The following GYS2 variants were observed in gnomAD, a reference collection of about 807,000 sequenced individuals.
GYS2 encodes the protein glycogen synthase 2.
Under a neutral mutation model 85.6 loss-of-function variants are expected in GYS2, and 80 were observed. The ratio of observed to expected loss-of-function variants is 0.93; its 90% confidence interval spans 0.78 to 1.13. The LOEUF is 1.13. Ranked by LOEUF, GYS2 falls within the 50% of genes most tolerant of loss-of-function variation. The pLI, the probability that GYS2 is intolerant of heterozygous loss-of-function variation, is 0.00. For synonymous variants in GYS2, 328 were observed against 300.7 expected (o/e 1.09, Z -0.94); for missense variants, 881 against 854.9 (o/e 1.03, Z -0.38).
chr12:21,590,917 T>A (rs1400924478), intron 1 of GYS2, among the ~76,000 whole-genome samples: 1 of 152,164 alleles, frequency 6.6e-6, no homozygotes, highest in Non-Finnish European at 1.5e-5. Flanking sequence ...TATGCTGCTG[T>A]ATGCACCTAG....
intron 9 of GYS2, 30 bp from the exon 10 acceptor site, chr12:21,559,199 T>C: frequency 7.9e-7 from 1 of 1,258,626 alleles, no homozygotes; most frequent in Non-Finnish European, 1.2e-6. Context: ...ATAACAAAAA[T>C]AAAAACAGCT....
intron 1 of GYS2, among the ~76,000 whole-genome samples, chr12:21,592,472 C>A (rs1944650939): frequency 6.6e-6 from 1 of 151,712 alleles, no homozygotes; most frequent in Non-Finnish European, 1.5e-5. Context: ...CAAAGAGAAA[C>A]CAAAAATGAG....
chr12:21,548,531 T>C (rs1049323539), intron 11 of GYS2, among the ~76,000 whole-genome samples: 1 of 152,194 alleles, frequency 6.6e-6, no homozygotes, highest in Non-Finnish European at 1.5e-5. Context: ...AGTTGACTTA[T>C]TTTAAAATTT....
intron 11 of GYS2, among the ~76,000 whole-genome samples, chr12:21,550,663 G>A (rs544701443): frequency 2.6e-5 from 4 of 152,174 alleles, no homozygotes; most frequent in East Asian, 1.9e-4. Flanking sequence ...GAGACAGGCC[G>A]GGTACCGTGG....
chr12:21,579,300 C>T (rs1944481029), intron 2 of GYS2, among the ~76,000 whole-genome samples: 1 of 151,770 alleles, frequency 6.6e-6, no homozygotes, highest in African/African-American at 2.4e-5. Context: ...GTTGACAGAG[C>T]CACATTCCAT....
intron 13 of GYS2, 62 bp downstream of exon 13, chr12:21,542,434 C>T: frequency 1.1e-6 from 1 of 951,458 alleles, no homozygotes; most frequent in South Asian, 1.3e-5. Context: ...TGTAAAGACC[C>T]TGTGCTTTGT....
At chr12:21,593,942 G>T (rs2136930215) in intron 1 of GYS2, among the ~76,000 whole-genome samples, 1 of 152,148 alleles carries the variant, frequency 6.6e-6, no homozygotes, top group Non-Finnish European at 1.5e-5. Context: ...TACTAGGGTT[G>T]CAAGAACAGT....
In GYS2 at chr12:21,558,203, G is replaced by A. The variant is rs754156427; in HGVS notation, c.1419C>T (p.Val473=). 1 of 1,573,658 alleles carries A rather than the reference G, an allele frequency of 6.4e-7. No individual in the cohort carries two copies. The highest frequency in any genetic ancestry group is 1.7e-5 in the Admixed American group (1 of 59,972). The change falls in exon 11 of 16, where the codon GTC becomes GTT. Residue 473 remains valine, a synonymous_variant. Transcript: ENST00000261195. The stretch of plus-strand genomic sequence containing the variant: ...CCACATGAACAATTTGTTCTACCTT[G>A]ACTCTATCTGTGCGGTTGTTGAAAA... ...IGLFNNRTDR[V]KVILHPEFLS...
At chr12:21,587,005 G>T (rs1363708329) in intron 1 of GYS2, among the ~76,000 whole-genome samples, 3 of 152,102 alleles carry the variant, frequency 2.0e-5, no homozygotes, top group Non-Finnish European at 4.4e-5. Context: ...CCATAAAAAA[G>T]AATGAAATCA....
At chr12:21,598,566 A>G (rs1230771724) in intron 1 of GYS2, among the ~76,000 whole-genome samples, 1 of 152,082 alleles carries the variant, frequency 6.6e-6, no homozygotes, top group Non-Finnish European at 1.5e-5. Flanking sequence ...TACTATTTAT[A>G]AAGCACATTT....
intron 11 of GYS2, among the ~76,000 whole-genome samples, chr12:21,553,230 C>T (rs770988155): frequency 6.6e-6 from 1 of 152,158 alleles, no homozygotes; most frequent in Non-Finnish European, 1.5e-5. Flanking sequence ...CTAATTTAAT[C>T]CTTACAGTTC....
intron 1 of GYS2, among the ~76,000 whole-genome samples, chr12:21,588,561 T>A (rs1198626125): frequency 6.6e-6 from 1 of 152,222 alleles, no homozygotes; most frequent in Non-Finnish European, 1.5e-5. Flanking sequence ...AAGAATTTCA[T>A]CTTTAAGGAA....
rs576120601 is a variant in GYS2, at chr12:21,588,279, T to C, written c.122-7756A>G. Among the ~76,000 whole-genome samples, 13 of 152,378 alleles carry C rather than the reference T, an allele frequency of 8.5e-5. No homozygotes were observed. The South Asian group carries it at 2.5e-3, about 29-fold the overall frequency. The stretch of plus-strand genomic sequence containing the variant: ...GCTACTATATTTCTTAAATGTATTA[T>C]TCCAGTAACTTATACTTTACATAGT... On this transcript the variant is annotated intron_variant, in intron 1 of 15. Transcript: ENST00000261195.
intron 3 of GYS2, among the ~76,000 whole-genome samples, chr12:21,575,497 T>A (rs1218122461): frequency 1.3e-5 from 2 of 152,142 alleles, no homozygotes; most frequent in African/African-American, 4.8e-5. Flanking sequence ...TACATCAGGA[T>A]CACCTGGAAA....
At chr12:21,550,314 AACACACACACACACACACACAC>A (rs10582787) in intron 11 of GYS2, among the ~76,000 whole-genome samples, 3 of 148,224 alleles carry the variant, frequency 2.0e-5, no homozygotes, top group South Asian at 4.3e-4. Context: ...AGACAGAAAG[AACACACACACACACACACACAC>A]ACACACACAC....
chr12:21,602,842 G>A (rs1206725146), intron 1 of GYS2, among the ~76,000 whole-genome samples: 2 of 152,046 alleles, frequency 1.3e-5, no homozygotes, highest in Non-Finnish European at 2.9e-5. Context: ...CTCCATTAAT[G>A]TTTGTTAAAT....
intron 1 of GYS2, among the ~76,000 whole-genome samples, chr12:21,603,129 CA>C (rs1245167701): frequency 1.3e-5 from 2 of 152,086 alleles, no homozygotes; most frequent in Non-Finnish European, 2.9e-5. Context: ...ATTAAAAACA[CA>C]TGCTCATTTC....
rs1389921065 is a variant in GYS2 at position 21,536,500 on chromosome 12, T to A, written c.*454A>T. On this transcript the variant is annotated 3_prime_UTR_variant, in exon 16 of 16. Coordinates refer to ENST00000261195, the MANE Select transcript of GYS2 (RefSeq NM_021957.4). ...GCATGTGAAAAATGAAAATAATCAG[T>A]AAAAACCTAGCTATTTAAAAAATGT... 1 of 188,150 alleles carries A rather than the reference T, an allele frequency of 5.3e-6. No individual in the cohort carries two copies. The highest frequency in any genetic ancestry group is 1.1e-5 in the Non-Finnish European group (1 of 90,956). The allele number at this position is 188,150 out of a possible 1,614,324, so 11.7% of individuals were successfully genotyped here.
chr12:21,569,709 G>C (rs1421466419), intron 4 of GYS2, among the ~76,000 whole-genome samples: 1 of 152,178 alleles, frequency 6.6e-6, no homozygotes, highest in Non-Finnish European at 1.5e-5. Flanking sequence ...GAAACTAGCA[G>C]TGTCTAAGAA....
Sources: gnomAD v4.1 joint callset for allele counts (sites outside exome capture counted in the v4.1 genomes callset) on GRCh38, gnomAD v4.1.1 for gene constraint, MANE v1.5 for transcripts, NCBI Gene and HGNC (gene_info 2026-07-23, HGNC 2026-07-21) for gene names.